The following PRKCB variants were observed in gnomAD, a reference collection of about 807,000 sequenced individuals.
PRKCB encodes protein kinase C beta, also known as protein kinase C beta type.
In PRKCB, 13 loss-of-function variants were observed where a neutral mutation model predicts 81.5. The observed-to-expected ratio is 0.16, with a 90% CI of 0.10 to 0.25. The LOEUF (loss-of-function observed/expected upper bound fraction) is 0.25. Ranked by LOEUF, PRKCB falls within the 10% of genes least tolerant of loss-of-function variation. The pLI is 1.00. For missense variants in PRKCB, 509 were observed against 875.7 expected (o/e 0.58, Z 5.29); for synonymous variants, 335 against 321.4 (o/e 1.04, Z -0.45).
chr16:24,021,093 T>TCTTTC (rs1965375922), intron 3 of PRKCB, among the ~76,000 whole-genome samples: 1 of 137,620 alleles, frequency 7.3e-6, no homozygotes, highest in African/African-American at 2.8e-5. Context: ...CTTTCTTTTT[T>TCTTTC]TCTTTCTTTC....
intron 2 of PRKCB, among the ~76,000 whole-genome samples, chr16:23,855,947 A>G (rs571077581): frequency 2.0e-5 from 3 of 152,198 alleles, no homozygotes; most frequent in Admixed American, 6.5e-5. Context: ...CCTTGTCCCT[A>G]TAGATGGTTT....
intron 5 of PRKCB, among the ~76,000 whole-genome samples, chr16:24,057,443 C>G (rs1225822934): frequency 2.0e-5 from 3 of 152,206 alleles, no homozygotes; most frequent in Admixed American, 2.0e-4. Context: ...ACAAAAAGAG[C>G]TTTCCTTTCA....
rs1196608164 is a variant in PRKCB, at chr16:24,216,453, C to T, written c.*1637C>T. The T allele has an allele frequency of 2.0e-6, 2 of 985,326 alleles. No homozygotes were observed. The allele number at this position is 985,326 out of a possible 1,614,324, so 61.0% of individuals were successfully genotyped here. A position where few individuals can be genotyped will look rare whatever the true frequency, so the allele number is the denominator to read the frequency against. On this transcript the variant is annotated 3_prime_UTR_variant, in exon 17 of 17. Coordinates refer to ENST00000643927, the MANE Select transcript of PRKCB (RefSeq NM_002738.7). ...ACTCCCCCTCCTCGCCTGCCGTGTC[C>T]TGCTATTCTCAGGCAGCTCTAAGGA...
At chr16:23,985,210 C>G (rs1964789267) in intron 2 of PRKCB, among the ~76,000 whole-genome samples, 1 of 152,192 alleles carries the variant, frequency 6.6e-6, no homozygotes, top group East Asian at 1.9e-4. Context: ...ACTGCCTCAG[C>G]CTTCCAAGTA....
At chr16:24,184,889 AACAAT>A (rs1967679423) in intron 13 of PRKCB, among the ~76,000 whole-genome samples, 1 of 152,240 alleles carries the variant, frequency 6.6e-6, no homozygotes, top group Non-Finnish European at 1.5e-5. Flanking sequence ...AAATAATAAT[AACAAT>A]ACACCTTACT....
At chr16:23,889,200 A>G (rs115481959) in intron 2 of PRKCB, among the ~76,000 whole-genome samples, 2,934 of 152,098 alleles carry the variant, frequency 0.019, 98 homozygotes, top group African/African-American at 0.068. Flanking sequence ...TAGTGTAATG[A>G]TTAAGAGCAT....
intron 5 of PRKCB, among the ~76,000 whole-genome samples, chr16:24,040,627 A>T (rs1015976879): frequency 1.3e-5 from 2 of 152,116 alleles, no homozygotes; most frequent in African/African-American, 4.8e-5. Flanking sequence ...CTAAATATTT[A>T]TGGGCTCAAT....
chr16:23,843,031 T>A (rs983910073), intron 2 of PRKCB, among the ~76,000 whole-genome samples: 3 of 152,238 alleles, frequency 2.0e-5, no homozygotes, highest in Non-Finnish European at 4.4e-5. Flanking sequence ...CAACCATTCT[T>A]GTTTTTATCA....
chr16:24,018,467 A>G (rs1965315152), intron 3 of PRKCB, among the ~76,000 whole-genome samples: 2 of 152,330 alleles, frequency 1.3e-5, no homozygotes, highest in Non-Finnish European at 2.9e-5. Context: ...TTTCCACACA[A>G]GGAAACGAAA....
chr16:24,048,610 C>G (rs1258464323), intron 5 of PRKCB, among the ~76,000 whole-genome samples: 1 of 152,046 alleles, frequency 6.6e-6, no homozygotes, highest in Non-Finnish European at 1.5e-5. Context: ...CTGCCTCAGC[C>G]TTCCAAGTAG....
chr16:23,848,096 T>C lies in PRKCB; in HGVS notation c.205+10690T>C, dbSNP rs569561709. 2.3e-4 allele frequency among the ~76,000 whole-genome samples: 35 copies of C among 152,034 alleles called. 1 individual carries two copies. In the South Asian group the frequency reaches 6.9e-3, roughly 30 times the overall value. On this transcript the variant is annotated intron_variant, in intron 2 of 16. Coordinates refer to ENST00000643927, the MANE Select transcript of PRKCB (RefSeq NM_002738.7). ...TAGTGAGGAGAGAGAATAGGGCACA[T>C]GCAGGGAACAGGAAGAAGAGGGTGT...
intron 3 of PRKCB, among the ~76,000 whole-genome samples, chr16:24,002,897 C>A (rs1965058055): frequency 6.6e-6 from 1 of 152,112 alleles, no homozygotes; most frequent in African/African-American, 2.4e-5. Flanking sequence ...ACTGCTTCAA[C>A]TGGGGCTCCC....
At chr16:24,033,124 A>AG (rs1965569609) in intron 4 of PRKCB, among the ~76,000 whole-genome samples, 4 of 152,122 alleles carry the variant, frequency 2.6e-5, no homozygotes, top group Admixed American at 2.0e-4. Flanking sequence ...ATGGCCACAA[A>AG]GCTACAGGGA....
Position 24,017,723 on chromosome 16 carries a change from C to A in PRKCB, c.289-14413C>A, listed in dbSNP as rs116907732. 3.3e-5 allele frequency among the ~76,000 whole-genome samples: 5 copies of A among 152,060 alleles called. No individual in the cohort carries two copies. In the East Asian group the frequency reaches 9.7e-4, roughly 29 times the overall value. Reference sequence around the variant, plus strand: ...AAATTAATGATAACAGTGAACATTTCTTCTTTTTTTGTTTGTTTGTTTTGG... The same window carrying A: ...AAATTAATGATAACAGTGAACATTTATTCTTTTTTTGTTTGTTTGTTTTGG... On this transcript the variant is annotated intron_variant, in intron 3 of 16. Coordinates refer to ENST00000643927, the MANE Select transcript of PRKCB (RefSeq NM_002738.7).
chr16:23,876,799 C>G (rs1963021212), intron 2 of PRKCB, among the ~76,000 whole-genome samples: 1 of 152,140 alleles, frequency 6.6e-6, no homozygotes, highest in Non-Finnish European at 1.5e-5. Context: ...TACCACTACT[C>G]AAAACAATGT....
intron 7 of PRKCB, chr16:24,111,413 C>A (rs1157559472): frequency 1.3e-5 from 2 of 151,980 alleles, no homozygotes; most frequent in African/African-American, 4.8e-5. Context: ...CCTTTTCTTT[C>A]CTCACACTCA....
chr16:24,093,066 T>C lies in PRKCB; in HGVS notation c.686+119T>C, dbSNP rs1567371467. ...CCTTCCTTCCCTACCTCCCTCCTTT[T>C]CTGTCTTCTCCATCCCTCACTCCTA... On this transcript the variant is annotated intron_variant, in intron 6 of 16. Transcript: ENST00000643927. 2.7e-6 allele frequency: 3 copies of C among 1,091,674 alleles called. No homozygotes were observed. The East Asian group carries it at 7.9e-5, about 29-fold the overall frequency. 67.6% of individuals were successfully genotyped at this position (1,091,674 alleles called of 1,614,324 possible).
At chr16:24,103,277 T>C (rs1339047440) in intron 7 of PRKCB, among the ~76,000 whole-genome samples, 1 of 152,262 alleles carries the variant, frequency 6.6e-6, no homozygotes, top group Non-Finnish European at 1.5e-5. Context: ...GTTGAGGTTT[T>C]AGTTTCTTTT....
intron 5 of PRKCB, among the ~76,000 whole-genome samples, chr16:24,039,332 G>A (rs768159266): frequency 2.2e-4 from 33 of 152,142 alleles, no homozygotes; most frequent in African/African-American, 4.3e-4. Flanking sequence ...ATGTTCAAGC[G>A]ATTCTCCGGT....
Sources: gnomAD v4.1 joint callset for allele counts (sites outside exome capture counted in the v4.1 genomes callset) on GRCh38, gnomAD v4.1.1 for gene constraint, MANE v1.5 for transcripts, NCBI Gene and HGNC (gene_info 2026-07-23, HGNC 2026-07-21) for gene names.